The following AHI1 variants were observed in gnomAD, a reference collection of about 807,000 sequenced individuals.
AHI1 encodes Abelson helper integration site 1, also known as jouberin.
Under a neutral mutation model 149.3 loss-of-function variants are expected in AHI1, and 123 were observed. The ratio of observed to expected loss-of-function variants is 0.82; its 90% CI spans 0.71 to 0.96. The LOEUF (loss-of-function observed/expected upper bound fraction) is 0.96. Ranked by LOEUF, AHI1 falls within the 40% of genes least tolerant of loss-of-function variation. The pLI, the probability that AHI1 is intolerant of heterozygous loss-of-function variation, is 0.00. For missense variants in AHI1, 1,439 were observed against 1,422.7 expected (o/e 1.01, Z -0.18); for synonymous variants, 475 against 459.8 (o/e 1.03, Z -0.42).
chr6:135,442,315 C>T (rs1375942620), intron 14 of AHI1, among the ~76,000 whole-genome samples: 1 of 152,066 alleles, frequency 6.6e-6, no homozygotes, highest in Non-Finnish European at 1.5e-5. Flanking sequence ...ATTTAAAATA[C>T]AAAATGTTTA....
intron 22 of AHI1, among the ~76,000 whole-genome samples, chr6:135,399,193 T>C (rs1241289238): frequency 6.6e-6 from 1 of 152,010 alleles, no homozygotes; most frequent in Non-Finnish European, 1.5e-5. Flanking sequence ...AAACGAAAAA[T>C]TCTACTTTCG....
At chr6:135,322,966 T>A (rs571401936) in intron 25 of AHI1, among the ~76,000 whole-genome samples, 196 bp downstream of exon 25, 18 of 152,310 alleles carry the variant, frequency 1.2e-4, no homozygotes, top group African/African-American at 4.3e-4. Flanking sequence ...AACATTCCAA[T>A]CTCAGAATGG....
intron 2 of AHI1, among the ~76,000 whole-genome samples, chr6:135,496,687 G>C (rs1288880447): frequency 6.6e-6 from 1 of 152,046 alleles, no homozygotes; most frequent in East Asian, 1.9e-4. Context: ...ATCATTGGGA[G>C]AAAAAACTGA....
chr6:135,361,696 T>C (rs1040685670), intron 23 of AHI1, among the ~76,000 whole-genome samples: 2 of 144,244 alleles, frequency 1.4e-5, no homozygotes, highest in Non-Finnish European at 3.1e-5. Flanking sequence ...CACACACACG[T>C]GTGTATATTT....
chr6:135,389,909 A>T (rs1221320075), intron 23 of AHI1, among the ~76,000 whole-genome samples: 1 of 152,230 alleles, frequency 6.6e-6, no homozygotes, highest in African/African-American at 2.4e-5. Context: ...TTTAAAACTT[A>T]GTTTTACAGC....
intron 3 of AHI1, 104 bp from the exon 4 acceptor site, chr6:135,492,395 A>G: frequency 7.3e-7 from 1 of 1,365,636 alleles, no homozygotes; most frequent in Non-Finnish European, 9.5e-7. Flanking sequence ...CTACTTCATT[A>G]AGTTTATACC....
At chr6:135,488,145 A>G (rs917444437) in intron 5 of AHI1, among the ~76,000 whole-genome samples, 3 of 152,312 alleles carry the variant, frequency 2.0e-5, no homozygotes, top group Non-Finnish European at 2.9e-5. Flanking sequence ...GATACAAACA[A>G]AAGAATTTTC....
chr6:135,357,128 G>C lies in AHI1; in HGVS notation c.3165+1004C>G, dbSNP rs531115848. On this transcript the variant is annotated intron_variant, in intron 24 of 28. Coordinates refer to ENST00000265602, the MANE Select transcript of AHI1 (RefSeq NM_001134831.2). ...TAACTTTTTGTATTTTAGTAGAGAT[G>C]GGGTTTCACCATGTTGGCCAGGATG... 2.2e-3 allele frequency among the ~76,000 whole-genome samples: 330 copies of C among 152,204 alleles called. 1 individual carries two copies. Among genetic ancestry groups the C allele is most frequent in the African/African-American group, 7.5e-3 (312 of 41,526 alleles).
At chr6:135,302,852 A>G in intron 26 of AHI1, 3 of 1,283,902 alleles carry the variant, frequency 2.3e-6, no homozygotes, top group South Asian at 1.2e-5. Flanking sequence ...CTGGTGTTCA[A>G]TCAGCCCGCA....
chr6:135,439,824 C>T (rs1785996448), intron 14 of AHI1, among the ~76,000 whole-genome samples: 1 of 152,056 alleles, frequency 6.6e-6, no homozygotes, highest in African/African-American at 2.4e-5. Flanking sequence ...CAGGCTTCCA[C>T]TGAGGGTCTT....
Position 135,433,073 on chromosome 6 carries a change from A to G in AHI1, c.2220T>C (p.Phe740=). 2 of 1,613,708 alleles carry G rather than the reference A, an allele frequency of 1.2e-6. No homozygotes were observed. Among genetic ancestry groups the G allele is most frequent in the South Asian group, 2.2e-5 (2 of 91,078 alleles). ...REDSAILVRQ[F]DVHKSFINSL... ...AGTTGATAAAACTTTTGTGAACATCAAACTGTCGGACCAATATGGCAGAAT... is the reference window on the plus strand; with the variant it reads ...AGTTGATAAAACTTTTGTGAACATCGAACTGTCGGACCAATATGGCAGAAT... Residue 740 remains phenylalanine, a synonymous_variant, in exon 16 of 29, where the codon TTT becomes TTC. Transcript: ENST00000265602.
Position 135,466,135 on chromosome 6 carries a change from G to C in AHI1, c.428C>G (p.Pro143Arg), listed in dbSNP as rs192524061. Residue 143 changes from proline (P) to arginine (R), a missense_variant, in exon 7 of 29, where the codon CCG becomes CGG. Pro to Arg is a moderately radical substitution (Grantham distance 103). Transcript: ENST00000265602. ...VPQLTTQDLK[P>R]ETPENKVDST... ...ATCAACCTTATTCTCAGGAGTTTCC[G>C]GTTTCAGGTCTTGTGTAGTCAACTG... 5.3e-5 allele frequency: 85 copies of C among 1,613,768 alleles called. 1 individual carries two copies. In the East Asian group the frequency reaches 1.8e-3, roughly 34 times the overall value.
chr6:135,285,395 C>G lies in AHI1; in HGVS notation c.*250G>C, dbSNP rs534800984. On this transcript the variant is annotated 3_prime_UTR_variant, in exon 29 of 29. Coordinates refer to ENST00000265602, the MANE Select transcript of AHI1 (RefSeq NM_001134831.2). ...AATGTAATTATGATGCAATTACTAACAATATAAGTACCAATACTTTGACCA... is the reference window on the plus strand; with the variant it reads ...AATGTAATTATGATGCAATTACTAAGAATATAAGTACCAATACTTTGACCA... 3.5e-4 allele frequency: 187 copies of G among 539,534 alleles called. No individual in the cohort carries two copies. The highest frequency in any genetic ancestry group is 5.2e-4 in the Non-Finnish European group (159 of 303,364). The allele number at this position is 539,534 out of a possible 1,614,324, so 33.4% of individuals were successfully genotyped here.
intron 20 of AHI1, among the ~76,000 whole-genome samples, chr6:135,419,554 T>C (rs978756292): frequency 2.0e-5 from 3 of 152,146 alleles, no homozygotes; most frequent in Non-Finnish European, 4.4e-5. Context: ...TTACACTATA[T>C]TGTAGTCTAT....
intron 3 of AHI1, 100 bp downstream of exon 3, chr6:135,495,714 G>C (rs1424279578): frequency 1.3e-5 from 2 of 152,204 alleles, no homozygotes; most frequent in Non-Finnish European, 2.9e-5. Context: ...CTGCCACTAT[G>C]AAAGAAAAGA....
At chr6:135,361,425 G>GA (rs1296987151) in intron 23 of AHI1, among the ~76,000 whole-genome samples, 1 of 151,918 alleles carries the variant, frequency 6.6e-6, no homozygotes, top group East Asian at 1.9e-4. Flanking sequence ...GTTTTTTCCT[G>GA]AAAAATCTTT....
At chr6:135,322,054 C>T (rs774821942) in intron 25 of AHI1, among the ~76,000 whole-genome samples, 19 of 152,200 alleles carry the variant, frequency 1.2e-4, no homozygotes, top group Admixed American at 3.9e-4. Context: ...CTGCCTGCCT[C>T]GGCCTCCCAA....
intron 23 of AHI1, among the ~76,000 whole-genome samples, chr6:135,383,795 G>A (rs891230820): frequency 1.3e-5 from 2 of 152,136 alleles, no homozygotes; most frequent in Non-Finnish European, 2.9e-5. Context: ...ATGGTTGATA[G>A]TAAACTATAT....
rs768311808 is a variant in AHI1, at chr6:135,490,704, T to C, written c.54A>G (p.Glu18=). Residue 18 remains glutamate (E), a synonymous_variant, in exon 5 of 29, where the codon GAA becomes GAG. Transcript: ENST00000265602. ...AKVKTKVRFE[E]LLKTHSDLMR... The stretch of plus-strand genomic sequence containing the variant: ...TTAGATCACTGTGGGTCTTAAGCAA[T>C]TCTTCAAAGCGAACTTTGGTTTTTA... The C allele has an allele frequency of 1.2e-6, 2 of 1,613,376 alleles. No homozygotes were observed. The highest frequency in any genetic ancestry group is 3.3e-5 in the Admixed American group (2 of 59,976).
Sources: gnomAD v4.1 joint callset for allele counts (sites outside exome capture counted in the v4.1 genomes callset) on GRCh38, gnomAD v4.1.1 for gene constraint, MANE v1.5 for transcripts, NCBI Gene and HGNC (gene_info 2026-07-23, HGNC 2026-07-21) for gene names.